Variants in PTPRN2 observed in about 807,000 individuals in gnomAD.
PTPRN2 encodes receptor-type tyrosine-protein phosphatase N2.
Under a neutral mutation model 118.8 loss-of-function variants are expected in PTPRN2, and 74 were observed. The ratio of observed to expected loss-of-function variants is 0.62; its 90% CI spans 0.52 to 0.76. The LOEUF (loss-of-function observed/expected upper bound fraction) is 0.76, where lower values mean the gene tolerates loss of function less well. PTPRN2 is among the 30% of genes least tolerant of loss of function. PTPRN2 has a pLI of 0.00. For synonymous variants in PTPRN2, 641 were observed against 608.0 expected (o/e 1.05, Z -0.80); for missense variants, 1,481 against 1,394.4 (o/e 1.06, Z -0.99).
At chr7:157,917,013 G>A (rs1176291158) in intron 11 of PTPRN2, among the ~76,000 whole-genome samples, 6 of 141,132 alleles carry the variant, frequency 4.3e-5, no homozygotes, top group African/African-American at 1.6e-4. Flanking sequence ...GGCCACTCCG[G>A]GACACGTCCA....
At chr7:158,101,738 A>G (rs1276746198) in intron 10 of PTPRN2, among the ~76,000 whole-genome samples, 1 of 152,192 alleles carries the variant, frequency 6.6e-6, no homozygotes, top group Non-Finnish European at 1.5e-5. Flanking sequence ...CTCACCCAGC[A>G]CAGTAGTGCA....
chr7:158,016,253 G>A (rs1806448619), intron 11 of PTPRN2, among the ~76,000 whole-genome samples: 1 of 152,208 alleles, frequency 6.6e-6, no homozygotes, highest in Non-Finnish European at 1.5e-5. Flanking sequence ...CCACGGACAC[G>A]GGCAGAGTGT....
intron 12 of PTPRN2, among the ~76,000 whole-genome samples, chr7:157,720,317 G>A (rs367726466): frequency 3.1e-4 from 47 of 152,164 alleles, no homozygotes; most frequent in African/African-American, 1.1e-3. Context: ...TTGGTTTCTC[G>A]GCTGCCGCAA....
chr7:157,973,685 A>G lies in PTPRN2; in HGVS notation c.1724-74948T>C, dbSNP rs549280800. Among the ~76,000 whole-genome samples the G allele has an allele frequency of 9.4e-4, 143 of 152,366 alleles. 1 individual carries two copies. The highest frequency in any genetic ancestry group is 1.4e-3 in the Non-Finnish European group (98 of 68,038). On this transcript the variant is annotated intron_variant, in intron 11 of 22. Transcript: ENST00000389418. ...AAGCCCTAATTTTCAGGTAATGGCCAAGATATAAGATGTAAAGCACTGTTG... is the reference window on the plus strand; with the variant it reads ...AAGCCCTAATTTTCAGGTAATGGCCGAGATATAAGATGTAAAGCACTGTTG...
intron 6 of PTPRN2, among the ~76,000 whole-genome samples, chr7:158,164,070 G>A (rs935687684): frequency 1.3e-5 from 2 of 152,238 alleles, no homozygotes; most frequent in Non-Finnish European, 2.9e-5. Context: ...AGCACATTGT[G>A]TAACTCGTAG....
At chr7:157,811,202 T>C (rs888875334) in intron 12 of PTPRN2, among the ~76,000 whole-genome samples, 7 of 148,442 alleles carry the variant, frequency 4.7e-5, no homozygotes, top group African/African-American at 1.5e-4. Flanking sequence ...ACCCGGGAGG[T>C]GGAGCTTGCA....
intron 11 of PTPRN2, among the ~76,000 whole-genome samples, chr7:157,992,887 C>T (rs189567514): frequency 4.0e-4 from 61 of 152,394 alleles, no homozygotes; most frequent in African/African-American, 1.4e-3. Context: ...GTTTTGCCCA[C>T]GCAGGCCCCT....
At chr7:158,143,701 G>A (rs1819609560) in intron 6 of PTPRN2, among the ~76,000 whole-genome samples, 2 of 152,160 alleles carry the variant, frequency 1.3e-5, no homozygotes, top group Non-Finnish European at 2.9e-5. Context: ...CAGAGGCCTC[G>A]TCTGGGGCAA....
intron 2 of PTPRN2, among the ~76,000 whole-genome samples, chr7:158,324,151 TCACA>T (rs576257765): frequency 6.8e-4 from 104 of 151,870 alleles, no homozygotes; most frequent in African/African-American, 2.1e-3. Flanking sequence ...ACGCGTACGC[TCACA>T]CACAGTCTCC....
intron 1 of PTPRN2, 46 bp from the exon 2 acceptor site, chr7:158,489,831 G>C (rs1303914293): frequency 6.5e-7 from 1 of 1,535,708 alleles, no homozygotes; most frequent in Non-Finnish European, 8.8e-7. Context: ...AGGGGAGGAG[G>C]GGGGTGCCCC....
chr7:158,050,577 TC>T (rs954354359), intron 11 of PTPRN2, among the ~76,000 whole-genome samples: 5 of 152,166 alleles, frequency 3.3e-5, no homozygotes, highest in African/African-American at 9.7e-5. Context: ...TCCCACAGCC[TC>T]CCGGCTTCCC....
At chr7:158,166,825 C>T (rs1016490499) in intron 6 of PTPRN2, 106 bp downstream of exon 6, 38 of 1,309,876 alleles carry the variant, frequency 2.9e-5, no homozygotes, top group African/African-American at 1.6e-4. Context: ...CGGGGGAGTG[C>T]GGTGTGCAGA....
intron 13 of PTPRN2, among the ~76,000 whole-genome samples, chr7:157,681,165 T>C (rs1340229164): frequency 6.6e-6 from 1 of 152,228 alleles, no homozygotes; most frequent in Non-Finnish European, 1.5e-5. Flanking sequence ...CAATATTTTA[T>C]ATTTGAATTT....
intron 1 of PTPRN2, among the ~76,000 whole-genome samples, chr7:158,545,227 C>G (rs1826211335): frequency 6.6e-6 from 1 of 152,252 alleles, no homozygotes. Flanking sequence ...CAGTCTTCAT[C>G]TGAGAAAAGC....
intron 3 of PTPRN2, among the ~76,000 whole-genome samples, chr7:158,283,403 G>A (rs750775973): frequency 1.9e-4 from 29 of 152,144 alleles, no homozygotes; most frequent in Non-Finnish European, 3.1e-4. Flanking sequence ...TAGCCAAGAC[G>A]GGGCAGGAGA....
intron 12 of PTPRN2, among the ~76,000 whole-genome samples, chr7:157,773,366 T>A (rs2151031774): frequency 6.6e-6 from 1 of 152,254 alleles, no homozygotes; most frequent in Non-Finnish European, 1.5e-5. Flanking sequence ...GCTCCCAACC[T>A]CCAGGAGATG....
At chr7:157,655,315 C>G (rs1806001185) in intron 14 of PTPRN2, among the ~76,000 whole-genome samples, 1 of 152,220 alleles carries the variant, frequency 6.6e-6, no homozygotes, top group African/African-American at 2.4e-5. Flanking sequence ...GTGTTTCCCA[C>G]CAGACGTCAG....
At chr7:157,853,247 G>A (rs1560962) in intron 12 of PTPRN2, among the ~76,000 whole-genome samples, 29,866 of 151,910 alleles carry the variant, frequency 0.2, 3,063 homozygotes, top group East Asian at 0.31. Flanking sequence ...AGACCCAGAG[G>A]CTCACGCTCA....
chr7:157,757,502 C>A (rs1320586872), intron 12 of PTPRN2, among the ~76,000 whole-genome samples: 2 of 151,984 alleles, frequency 1.3e-5, no homozygotes, highest in African/African-American at 2.4e-5. Context: ...TGGGCAGGAC[C>A]CCAGGGAACT....
Sources: gnomAD v4.1 joint callset for allele counts (sites outside exome capture counted in the v4.1 genomes callset) on GRCh38, gnomAD v4.1.1 for gene constraint, MANE v1.5 for transcripts, NCBI Gene and HGNC (gene_info 2026-07-23, HGNC 2026-07-21) for gene names.